SPTBN1: variants seen among roughly 807,000 people sequenced by gnomAD.
SPTBN1 encodes spectrin beta, non-erythrocytic 1.
Under a neutral mutation model 266.4 loss-of-function variants are expected in SPTBN1, and 32 were observed. The ratio of observed to expected loss-of-function variants is 0.12; its 90% CI spans 0.09 to 0.16. The LOEUF is 0.16. Ranked by LOEUF, SPTBN1 falls within the 10% of genes least tolerant of loss-of-function variation. The pLI, the probability that SPTBN1 is intolerant of heterozygous loss-of-function variation, is 1.00. For synonymous variants in SPTBN1, 1,336 were observed against 1,162.2 expected, an observed-to-expected ratio of 1.15 and a Z score of -3.04; for missense variants, 2,296 against 3,067.1, an observed-to-expected ratio of 0.75 and a Z score of 5.94.
chr2:54,484,755 C>T (rs541458890), intron 1 of SPTBN1, among the ~76,000 whole-genome samples: 2 of 73,914 alleles, frequency 2.7e-5, no homozygotes, highest in East Asian at 7.1e-4. Context: ...TTGCCTGTAC[C>T]CGGCGTGGGG....
chr2:54,606,123 A>T (rs181154649), intron 3 of SPTBN1, among the ~76,000 whole-genome samples: 24 of 152,316 alleles, frequency 1.6e-4, no homozygotes, highest in Middle Eastern at 3.4e-3. Context: ...TGAGAGGACC[A>T]CTTTTTCTAC....
intron 18 of SPTBN1, among the ~76,000 whole-genome samples, chr2:54,641,424 A>C (rs74661341): frequency 0.016 from 2,408 of 152,340 alleles, 19 homozygotes; most frequent in Non-Finnish European, 0.026. Context: ...ATACTGGGAA[A>C]AATTTTGTCA....
intron 2 of SPTBN1, among the ~76,000 whole-genome samples, chr2:54,559,127 CT>C (rs1316561658): frequency 1.3e-5 from 2 of 152,214 alleles, no homozygotes; most frequent in African/African-American, 2.4e-5. Flanking sequence ...TGTCAGATAA[CT>C]GCTGCACACA....
At chr2:54,467,991 C>T (rs896482471) in intron 1 of SPTBN1, among the ~76,000 whole-genome samples, 2 of 152,130 alleles carry the variant, frequency 1.3e-5, no homozygotes, top group Admixed American at 1.3e-4. Flanking sequence ...TACTATGTGA[C>T]CCCGGAAACA....
At chr2:54,479,710 CAT>C (rs1558762524) in intron 1 of SPTBN1, among the ~76,000 whole-genome samples, 1 of 152,162 alleles carries the variant, frequency 6.6e-6, no homozygotes, top group African/African-American at 2.4e-5. Context: ...TGCAATAAAA[CAT>C]GTAAAGTTTT....
intron 1 of SPTBN1, among the ~76,000 whole-genome samples, chr2:54,499,915 AT>A (rs1472124203): frequency 6.6e-6 from 1 of 152,242 alleles, no homozygotes; most frequent in East Asian, 1.9e-4. Flanking sequence ...TGCAGCTGTT[AT>A]GCTGGGTACT....
chr2:54,619,436 C>A (rs146395118), intron 7 of SPTBN1, among the ~76,000 whole-genome samples: 1,728 of 152,246 alleles, frequency 0.011, 14 homozygotes, highest in Middle Eastern at 0.044. Context: ...GCAGTGACAA[C>A]ATTTTTTAAT....
chr2:54,553,191 G>C (rs1405122305), intron 2 of SPTBN1, among the ~76,000 whole-genome samples: 1 of 152,132 alleles, frequency 6.6e-6, no homozygotes, highest in Non-Finnish European at 1.5e-5. Flanking sequence ...AAAAGGACTA[G>C]GTTTTTAACA....
At chr2:54,662,317 G>C (rs1572779940) in intron 32 of SPTBN1, 1 of 985,204 alleles carries the variant, frequency 1.0e-6, no homozygotes, top group Non-Finnish European at 1.2e-6. Flanking sequence ...TATTTTCCTT[G>C]TTTTCTTGGT....
In SPTBN1 at chr2:54,476,590, C is replaced by T. The variant is rs543360749; in HGVS notation, c.-48+20072C>T. ...GGTGGAGAGTAACATACGATGTTTC[C>T]CAAACTTACCTGACCTTTGAATTAT... On this transcript the variant is annotated intron_variant, in intron 1 of 35. Transcript: ENST00000356805. Among the ~76,000 whole-genome samples the T allele has an allele frequency of 1.1e-4, 16 of 152,286 alleles. No homozygotes were observed. In the South Asian group the frequency reaches 1.5e-3, roughly 14 times the overall value.
chr2:54,597,506 T>G (rs1316108210), intron 2 of SPTBN1, among the ~76,000 whole-genome samples: 1 of 152,230 alleles, frequency 6.6e-6, no homozygotes, highest in Non-Finnish European at 1.5e-5. Flanking sequence ...GCCCTCCTTC[T>G]GTCTGGATGG....
intron 32 of SPTBN1, chr2:54,660,746 T>C: frequency 1.0e-6 from 1 of 985,476 alleles, no homozygotes; most frequent in Non-Finnish European, 1.2e-6. Context: ...AATTGAAAAC[T>C]GTAGGCTTCC....
intron 1 of SPTBN1, among the ~76,000 whole-genome samples, chr2:54,479,046 G>A (rs1667981300): frequency 6.6e-6 from 1 of 152,124 alleles, no homozygotes; most frequent in Non-Finnish European, 1.5e-5. Flanking sequence ...CTGGCTGCCT[G>A]GCCAGGCTGA....
At chr2:54,544,084 T>C (rs1248457125) in intron 2 of SPTBN1, among the ~76,000 whole-genome samples, 2 of 152,238 alleles carry the variant, frequency 1.3e-5, no homozygotes, top group Admixed American at 1.3e-4. Context: ...GAGAACATTA[T>C]AGAACATTAC....
In SPTBN1 at chr2:54,668,699, T is replaced by C. The variant is rs1046780202; in HGVS notation, c.*130T>C. The C allele has an allele frequency of 1.0e-5, 8 of 772,148 alleles. No individual in the cohort carries two copies. The highest frequency in any genetic ancestry group is 1.5e-5 in the Non-Finnish European group (8 of 525,674). The allele number at this position is 772,148 out of a possible 1,614,324, so 47.8% of individuals were successfully genotyped here. A position where few individuals can be genotyped will look rare whatever the true frequency, so the allele number is the denominator to read the frequency against. On this transcript the variant is annotated 3_prime_UTR_variant, in exon 36 of 36. Coordinates refer to ENST00000356805, the MANE Select transcript of SPTBN1 (RefSeq NM_003128.3). Reference sequence around the variant, plus strand: ...TGGTTGATTTTTTTTTTTTTTTAATTTATAGAGCATTTCGGGGGGGGTGGG... The same window carrying C: ...TGGTTGATTTTTTTTTTTTTTTAATCTATAGAGCATTTCGGGGGGGGTGGG...
At chr2:54,556,702 C>T (rs749353594) in intron 2 of SPTBN1, among the ~76,000 whole-genome samples, 3 of 150,804 alleles carry the variant, frequency 2.0e-5, no homozygotes, top group South Asian at 2.1e-4. Context: ...TGTGTGTGGG[C>T]GGGGGGTGAT....
At chr2:54,660,283 TTTG>T in intron 32 of SPTBN1, 2 of 1,289,800 alleles carry the variant, frequency 1.6e-6, no homozygotes. Context: ...ATACTTATTT[TTTG>T]TTTATTTATT....
intron 24 of SPTBN1, among the ~76,000 whole-genome samples, chr2:54,648,182 G>A (rs902605477): frequency 1.3e-5 from 2 of 152,160 alleles, no homozygotes; most frequent in African/African-American, 2.4e-5. Flanking sequence ...AAAGGAATTG[G>A]CCTTGTGCAT....
In SPTBN1 at chr2:54,525,500, C is replaced by G. The variant is rs369792108; in HGVS notation, c.-47-872C>G. Reference sequence around the variant, plus strand: ...CCGCCCGCCTCAGCCTCCCAAAGTGCTGGGATTAGAGGCGTGAGTCACTGT... The same window carrying G: ...CCGCCCGCCTCAGCCTCCCAAAGTGGTGGGATTAGAGGCGTGAGTCACTGT... On this transcript the variant is annotated intron_variant, in intron 1 of 35. Coordinates refer to ENST00000356805, the MANE Select transcript of SPTBN1 (RefSeq NM_003128.3). Among the ~76,000 whole-genome samples the G allele has an allele frequency of 6.0e-4, 91 of 152,294 alleles. 1 individual carries two copies. The highest frequency in any genetic ancestry group is 1.7e-3 in the African/African-American group (72 of 41,572).
Sources: gnomAD v4.1 joint callset for allele counts (sites outside exome capture counted in the v4.1 genomes callset) on GRCh38, gnomAD v4.1.1 for gene constraint, MANE v1.5 for transcripts, NCBI Gene and HGNC (gene_info 2026-07-23, HGNC 2026-07-21) for gene names.